AAMDC: variants seen among roughly 807,000 people sequenced by gnomAD.
AAMDC encodes adipogenesis associated Mth938 domain containing.
In AAMDC, 16 loss-of-function variants were observed where a neutral mutation model predicts 15.5. The observed-to-expected ratio is 1.03, with a 90% CI of 0.70 to 1.57. The LOEUF (loss-of-function observed/expected upper bound fraction) is 1.57. AAMDC is among the 40% of genes most tolerant of loss of function. The pLI is 0.00. For missense variants in AAMDC, 141 were observed against 144.9 expected, an observed-to-expected ratio of 0.97 and a Z score of 0.14; for synonymous variants, 51 against 51.6, an observed-to-expected ratio of 0.99 and a Z score of 0.05.
At chr11:77,877,184 T>G (rs1951622407), downstream of AAMDC, 4 of 590,640 alleles carry the variant, frequency 6.8e-6, no homozygotes, top group East Asian at 2.8e-5. Flanking sequence ...TTGTGTGACC[T>G]AGGACAGGTT....
At chr11:77,858,299 A>ATTTTT (rs1950717647) in intron 2 of AAMDC, among the ~76,000 whole-genome samples, 3 of 91,532 alleles carry the variant, frequency 3.3e-5, no homozygotes, top group East Asian at 3.2e-4. Flanking sequence ...CGTTTAAGCA[A>ATTTTT]TTCTTTTTTT....
intron 2 of AAMDC, among the ~76,000 whole-genome samples, chr11:77,849,519 C>T (rs182294099): frequency 6.6e-6 from 1 of 152,090 alleles, no homozygotes; most frequent in African/African-American, 2.4e-5. Context: ...CCACTGCACC[C>T]GGCCTAATTT....
At chr11:77,890,725 C>T (rs1177091723) in intron 5 of AAMDC, among the ~76,000 whole-genome samples, 1 of 152,084 alleles carries the variant, frequency 6.6e-6, no homozygotes, top group Non-Finnish European at 1.5e-5. Context: ...AGAGTAAACA[C>T]GATTGCACAG....
chr11:77,856,345 G>T (rs1423050270), intron 2 of AAMDC, among the ~76,000 whole-genome samples: 2 of 152,108 alleles, frequency 1.3e-5, no homozygotes, highest in Non-Finnish European at 2.9e-5. Flanking sequence ...CCATTCAACA[G>T]GTCTCTAGGA....
downstream of AAMDC, among the ~76,000 whole-genome samples, chr11:77,876,540 T>C (rs1220553018): frequency 2.6e-5 from 4 of 152,114 alleles, no homozygotes; most frequent in Admixed American, 2.0e-4. Context: ...GATACTTGAA[T>C]TGCTTAGCAA....
chr11:77,849,791 A>G (rs1269658428), intron 2 of AAMDC, among the ~76,000 whole-genome samples: 2 of 152,090 alleles, frequency 1.3e-5, no homozygotes, highest in Non-Finnish European at 2.9e-5. Flanking sequence ...CTTTGCTAAA[A>G]CTATTTCCTT....
intron 2 of AAMDC, among the ~76,000 whole-genome samples, chr11:77,845,300 C>T (rs1950096801): frequency 6.6e-6 from 1 of 151,872 alleles, no homozygotes; most frequent in Non-Finnish European, 1.5e-5. Context: ...TTTTTCTTTC[C>T]TTTGTCTCAG....
At chr11:77,865,238 G>A (rs539834238) in intron 2 of AAMDC, among the ~76,000 whole-genome samples, 11 of 152,304 alleles carry the variant, frequency 7.2e-5, no homozygotes, top group African/African-American at 2.6e-4. Context: ...CCAAGGTGTT[G>A]TAATAGAAAT....
At chr11:77,852,764 T>G (rs1248148350) in intron 2 of AAMDC, among the ~76,000 whole-genome samples, 1 of 152,160 alleles carries the variant, frequency 6.6e-6, no homozygotes, top group African/African-American at 2.4e-5. Context: ...ATAATTTTTT[T>G]TCTTTTTTTC....
At chr11:77,891,412 G>T in intron 5 of AAMDC, 1 of 1,613,568 alleles carries the variant, frequency 6.2e-7, no homozygotes, top group African/African-American at 1.3e-5. Flanking sequence ...ACCGCAAAGG[G>T]TTGTCTGACT....
rs1260913459 is a variant in AAMDC at position 77,821,210 on chromosome 11, G to C, written c.-50G>C. 1 of 301,402 alleles carries C rather than the reference G, an allele frequency of 3.3e-6. No homozygotes were observed. The highest frequency in any genetic ancestry group is 2.1e-5 in the African/African-American group (1 of 46,532). 18.7% of individuals were successfully genotyped at this position (301,402 alleles called of 1,614,324 possible). A position where few individuals can be genotyped will look rare whatever the true frequency, so the allele number is the denominator to read the frequency against. On this transcript the variant is annotated 5_prime_UTR_variant, in exon 1 of 4. Coordinates refer to ENST00000393427, the MANE Select transcript of AAMDC (RefSeq NM_024684.4). ...GTGCGGGCAGAGCACTGCGCCGTTT[G>C]GGAACGCAACTTTGAGGAGACAGTG...
At chr11:77,890,917 A>C (rs1261987634) in intron 5 of AAMDC, among the ~76,000 whole-genome samples, 3 of 152,128 alleles carry the variant, frequency 2.0e-5, no homozygotes, top group Admixed American at 1.3e-4. Context: ...CCCAACCATA[A>C]ATTTTATCTG....
At chr11:77,852,002 C>T (rs1452449002) in intron 2 of AAMDC, among the ~76,000 whole-genome samples, 1 of 151,884 alleles carries the variant, frequency 6.6e-6, no homozygotes, top group African/African-American at 2.4e-5. Context: ...TAACATTCTG[C>T]CACATTTGCT....
chr11:77,861,613 C>A (rs542295325), intron 2 of AAMDC, among the ~76,000 whole-genome samples: 45 of 152,290 alleles, frequency 3.0e-4, no homozygotes, highest in Non-Finnish European at 4.7e-4. Context: ...CAGTGATTCC[C>A]TTGACATAAC....
chr11:77,888,188 A>G (rs537417997), intron 5 of AAMDC, among the ~76,000 whole-genome samples: 1 of 152,374 alleles, frequency 6.6e-6, no homozygotes, highest in South Asian at 2.1e-4. Flanking sequence ...ACAAGCCTAC[A>G]GTAACCAGAA....
chr11:77,878,635 C>T, intron 5 of AAMDC: 1 of 613,548 alleles, frequency 1.6e-6, no homozygotes, highest in Non-Finnish European at 2.9e-6. Context: ...GTGTTTCACA[C>T]CTGAGGAATA....
At chr11:77,889,189 C>G (rs544718132) in intron 5 of AAMDC, among the ~76,000 whole-genome samples, 24 of 152,078 alleles carry the variant, frequency 1.6e-4, no homozygotes, top group African/African-American at 5.6e-4. Flanking sequence ...TGTCCAACAA[C>G]GATAGACTGG....
At chr11:77,884,087 T>A in intron 5 of AAMDC, 1 of 819,622 alleles carries the variant, frequency 1.2e-6, no homozygotes, top group Middle Eastern at 2.4e-4. Context: ...GCCTTGGGGG[T>A]AGGTCAACAC....
chr11:77,866,642 C>G (rs189239848), intron 2 of AAMDC: 83 of 152,082 alleles, frequency 5.5e-4, no homozygotes, highest in African/African-American at 2.0e-3. Context: ...TCTCCTATGA[C>G]CTTACACTTG....
Sources: allele counts gnomAD v4.1 joint callset (sites outside exome capture counted in the v4.1 genomes callset), GRCh38; gene constraint gnomAD v4.1.1; transcripts MANE v1.5; gene names NCBI Gene and HGNC (gene_info 2026-07-23, HGNC 2026-07-21).